The following HSD17B3 variants were observed in gnomAD, a reference collection of about 807,000 sequenced individuals.
The protein encoded by HSD17B3 is 17-beta-hydroxysteroid dehydrogenase type 3.
HSD17B3 carries 29 observed loss-of-function variants against 41.1 expected under a neutral mutation model. The ratio of observed to expected loss-of-function variants is 0.71; its 90% CI spans 0.53 to 0.96. HSD17B3 has a LOEUF of 0.96. Among genes scored for constraint, HSD17B3 ranks in the 40% least tolerant of loss-of-function variants. The pLI, the probability that HSD17B3 is intolerant of heterozygous loss-of-function variation, is 0.00. For synonymous variants in HSD17B3, 126 were observed against 145.6 expected, an observed-to-expected ratio of 0.87 and a Z score of 0.97; for missense variants, 323 against 374.6, an observed-to-expected ratio of 0.86 and a Z score of 1.14.
At chr9:96,285,272 GA>G (rs1826873743) in intron 2 of HSD17B3, among the ~76,000 whole-genome samples, 1 of 152,218 alleles carries the variant, frequency 6.6e-6, no homozygotes, top group South Asian at 2.1e-4. Context: ...GGAAAACGGA[GA>G]GAGAAATATT....
Position 96,260,907 on chromosome 9 carries a change from C to T in HSD17B3, c.202-5964G>A, listed in dbSNP as rs192685926. 4.1e-3 allele frequency among the ~76,000 whole-genome samples: 626 copies of T among 152,264 alleles called. 2 individuals are homozygous for T. The highest frequency in any genetic ancestry group is 6.6e-3 in the Non-Finnish European group (446 of 68,022). On this transcript the variant is annotated intron_variant, in intron 2 of 10. Transcript: ENST00000375263. ...GGTCGGGTGTGGAGGGAGCATTGCC[C>T]GCCTCTCACCTCACAGTAAAGGAGA...
At chr9:96,264,683 G>A (rs183023435) in intron 2 of HSD17B3, among the ~76,000 whole-genome samples, 33 of 152,252 alleles carry the variant, frequency 2.2e-4, no homozygotes, top group African/African-American at 6.7e-4. Flanking sequence ...CCCACACTGC[G>A]TCTGGCCTCT....
At chr9:96,251,335 C>T (rs1825399341) in intron 5 of HSD17B3, 83 bp downstream of exon 5, 1 of 1,195,730 alleles carries the variant, frequency 8.4e-7, no homozygotes. Flanking sequence ...TCCATCACGC[C>T]TTCCCAGGCC....
At chr9:96,280,957 G>A (rs1263994087) in intron 2 of HSD17B3, among the ~76,000 whole-genome samples, 10 of 152,100 alleles carry the variant, frequency 6.6e-5, no homozygotes, top group Non-Finnish European at 8.8e-5. Flanking sequence ...TGAATAATCC[G>A]CCCCTTGTTT....
intron 2 of HSD17B3, among the ~76,000 whole-genome samples, chr9:96,270,260 A>G (rs888237886): frequency 4.0e-5 from 6 of 151,382 alleles, no homozygotes; most frequent in Non-Finnish European, 8.8e-5. Flanking sequence ...ACACACACAC[A>G]CACACACACA....
At chr9:96,289,192 G>GGTGTGTGTGTGTGTGTGTGTGTGT (rs67271328) in intron 2 of HSD17B3, among the ~76,000 whole-genome samples, 3 of 148,228 alleles carry the variant, frequency 2.0e-5, no homozygotes, top group East Asian at 2.0e-4. Flanking sequence ...TTGATTTCCT[G>GGTGTGTGTGTGTGTGTGTGTGTGT]GTGTGTGTGT....
In HSD17B3 at chr9:96,270,792, G is replaced by T. The variant is rs1206237198; in HGVS notation, c.202-15849C>A. Among the ~76,000 whole-genome samples, 3 of 152,228 alleles carry T rather than the reference G, an allele frequency of 2.0e-5. No homozygotes were observed. The East Asian group carries it at 5.8e-4, about 29-fold the overall frequency. ...ATGGCACTAGAATGGCCCAGATGTGGAGAATAAAACTCAGCTAAGCTTTCA... is the reference window on the plus strand; with the variant it reads ...ATGGCACTAGAATGGCCCAGATGTGTAGAATAAAACTCAGCTAAGCTTTCA... On this transcript the variant is annotated intron_variant, in intron 2 of 10. Transcript: ENST00000375263.
intron 2 of HSD17B3, among the ~76,000 whole-genome samples, chr9:96,281,267 ACAATACTAAAGAAGCCC>A (rs541794264): frequency 2.6e-5 from 4 of 152,174 alleles, no homozygotes; most frequent in South Asian, 4.2e-4. Flanking sequence ...CCCTGAAGGC[ACAATACTAAAGAAGCCC>A]CAATACTAAA....
rs1362307639 is a variant in HSD17B3, at chr9:96,288,346, T to C, written c.201+10070A>G. ...ATATGACACCATCGATCCTGAAGTT[T>C]TAAAAAGTCAATTATATTCACTCTC... On this transcript the variant is annotated intron_variant, in intron 2 of 10. Transcript: ENST00000375263. 3.3e-5 allele frequency among the ~76,000 whole-genome samples: 5 copies of C among 152,262 alleles called. No individual in the cohort carries two copies. The South Asian group carries it at 1.0e-3, about 32-fold the overall frequency.
chr9:96,259,089 A>G (rs989302707), intron 2 of HSD17B3, among the ~76,000 whole-genome samples: 1 of 152,100 alleles, frequency 6.6e-6, no homozygotes, highest in African/African-American at 2.4e-5. Context: ...TCTGTTAACC[A>G]CCTTGATCAA....
chr9:96,272,430 TATATATATATATATATAAA>T (rs1254111637), intron 2 of HSD17B3, among the ~76,000 whole-genome samples: 1 of 97,504 alleles, frequency 1.0e-5, no homozygotes, highest in African/African-American at 3.6e-5. Context: ...TATATATATA[TATATATATATATATATAAA>T]ATATATATGA....
At position 96,302,078 on chromosome 9, in the gene HSD17B3, G is replaced by A; in HGVS notation, c.27C>T (p.Phe9=). 1 of 1,614,138 alleles carries A rather than the reference G, an allele frequency of 6.2e-7. No individual in the cohort carries two copies. Among genetic ancestry groups the A allele is most frequent in the Non-Finnish European group, 8.5e-7 (1 of 1,180,036 alleles). MGDVLEQF[F]ILTGLLVCLA... ...GGCACACCAGCAGCCCTGTGAGGAT[G>A]AAGAACTGTTCCAGGACGTCCCCCA... The change falls in exon 1 of 11, where the codon TTC becomes TTT. Residue 9 remains phenylalanine (F), a synonymous_variant. Transcript: ENST00000375263.
chr9:96,253,204 G>C (rs1433849792), intron 3 of HSD17B3, among the ~76,000 whole-genome samples: 1 of 152,150 alleles, frequency 6.6e-6, no homozygotes, highest in African/African-American at 2.4e-5. Flanking sequence ...GGGTTACAGG[G>C]AAACTTGCCA....
At chr9:96,239,619 A>C (rs915394239) in intron 10 of HSD17B3, 1 of 152,234 alleles carries the variant, frequency 6.6e-6, no homozygotes, top group Non-Finnish European at 1.5e-5. Flanking sequence ...ACTTTAGCGC[A>C]TGGAGCCATG....
chr9:96,237,963 C>G (rs1836293578), intron 10 of HSD17B3, among the ~76,000 whole-genome samples: 1 of 151,780 alleles, frequency 6.6e-6, no homozygotes, highest in Admixed American at 6.6e-5. Context: ...GCCCCAGTCT[C>G]TACCAAAAAA....
At chr9:96,301,766 A>C (rs1390128183) in intron 1 of HSD17B3, among the ~76,000 whole-genome samples, 185 bp downstream of exon 1, 1 of 150,828 alleles carries the variant, frequency 6.6e-6, no homozygotes, top group Non-Finnish European at 1.5e-5. Context: ...CTATAATCCC[A>C]GCTACTTGGG....
intron 2 of HSD17B3, among the ~76,000 whole-genome samples, chr9:96,260,314 G>A (rs1825813578): frequency 6.6e-6 from 1 of 152,162 alleles, no homozygotes; most frequent in Non-Finnish European, 1.5e-5. Context: ...TGTCCCAGGA[G>A]CTTCCCAGTT....
intron 5 of HSD17B3, chr9:96,250,071 G>C: frequency 1.4e-6 from 2 of 1,382,232 alleles, no homozygotes; most frequent in Non-Finnish European, 1.9e-6. Flanking sequence ...ATATAAATAC[G>C]GTTTTTCAAA....
At chr9:96,254,231 C>T (rs1344292013) in intron 3 of HSD17B3, among the ~76,000 whole-genome samples, 1 of 152,038 alleles carries the variant, frequency 6.6e-6, no homozygotes, top group African/African-American at 2.4e-5. Context: ...CATGATGATC[C>T]TGGATCAAAA....
Sources: gnomAD v4.1 joint callset for allele counts (sites outside exome capture counted in the v4.1 genomes callset) on GRCh38, gnomAD v4.1.1 for gene constraint, MANE v1.5 for transcripts, NCBI Gene and HGNC (gene_info 2026-07-23, HGNC 2026-07-21) for gene names.